ZNF626: variants seen among roughly 807,000 people sequenced by gnomAD.
The protein encoded by ZNF626 is zinc finger protein 626.
In ZNF626, 4 loss-of-function variants were observed where a neutral mutation model predicts 11.7. The observed-to-expected ratio is 0.34, with a 90% CI of 0.17 to 0.78. The LOEUF (loss-of-function observed/expected upper bound fraction) is 0.78. Among genes scored for constraint, ZNF626 ranks in the 30% least tolerant of loss-of-function variants. The pLI, the probability that ZNF626 is intolerant of heterozygous loss-of-function variation, is 0.57. For missense variants in ZNF626, 588 were observed against 587.1 expected (o/e 1.00, Z -0.01); for synonymous variants, 179 against 198.6 (o/e 0.90, Z 0.83).
chr19:20,632,906 C>T (rs1555770507), intron 3 of ZNF626, among the ~76,000 whole-genome samples: 2 of 152,046 alleles, frequency 1.3e-5, no homozygotes, highest in African/African-American at 4.8e-5. Context: ...TTTTTCCCAT[C>T]TTTGTGGTTT....
Position 20,661,532 on chromosome 19 carries a change from G to GGGA in ZNF626, c.-87_-86insTCC. The GGGA allele has an allele frequency of 1.7e-6, 2 of 1,154,858 alleles. No individual in the cohort carries two copies. The highest frequency in any genetic ancestry group is 2.4e-6 in the Non-Finnish European group (2 of 845,128). 71.5% of individuals were successfully genotyped at this position (1,154,858 alleles called of 1,614,324 possible). A position where few individuals can be genotyped will look rare whatever the true frequency, so the allele number is the denominator to read the frequency against. On this transcript the variant is annotated 5_prime_UTR_variant, in exon 1 of 4. Coordinates refer to ENST00000601440, the MANE Select transcript of ZNF626 (RefSeq NM_001076675.3). ...GGGGCCACACAGCCTGGGCCTTTAG[G>GGGA]AGAAGAACCAGACCTGGAGCTCTGA...
rs147500641 is a variant in ZNF626 at position 20,629,412 on chromosome 19, G to T, written c.227-3762C>A. ...CACGATATTGATTCTTCCTATTCAT[G>T]AGCATGGAATGTTCTTCCATTTGTT... is the stretch of plus-strand genomic sequence containing the variant. On this transcript the variant is annotated intron_variant, in intron 3 of 3. Transcript: ENST00000601440. 1.7e-3 allele frequency among the ~76,000 whole-genome samples: 260 copies of T among 152,294 alleles called. 7 individuals carry two copies. In the East Asian group the frequency reaches 0.045, roughly 27 times the overall value.
intron 1 of ZNF626, among the ~76,000 whole-genome samples, chr19:20,651,887 C>T (rs1362486122): frequency 4.6e-5 from 7 of 152,178 alleles, no homozygotes; most frequent in African/African-American, 1.7e-4. Context: ...GTGGTCATAA[C>T]TGGATATTTT....
chr19:20,623,868 T>A lies in ZNF626; in HGVS notation c.*422A>T. Reference sequence around the variant, plus strand: ...ACATTCTTCACACTTGTAGGGTTTCTTTCCAGTATGAATTATGTGTAATAA... The same window carrying A: ...ACATTCTTCACACTTGTAGGGTTTCATTCCAGTATGAATTATGTGTAATAA... On this transcript the variant is annotated 3_prime_UTR_variant, in exon 4 of 4. Transcript: ENST00000601440. The A allele has an allele frequency of 2.9e-6, 1 of 345,698 alleles. No homozygotes were observed. The highest frequency in any genetic ancestry group is 2.7e-5 in the South Asian group (1 of 36,934). 21.4% of individuals were successfully genotyped at this position (345,698 alleles called of 1,614,324 possible).
At chr19:20,657,227 T>C (rs570656803) in intron 1 of ZNF626, among the ~76,000 whole-genome samples, 20 of 151,656 alleles carry the variant, frequency 1.3e-4, no homozygotes, top group African/African-American at 2.7e-4. Context: ...AAATGAAAAA[T>C]TGGCCAGGCA....
chr19:20,649,958 A>G (rs1263408117), intron 1 of ZNF626, among the ~76,000 whole-genome samples: 1 of 152,240 alleles, frequency 6.6e-6, no homozygotes, highest in African/African-American at 2.4e-5. Context: ...AAAGTTTTAT[A>G]TCCTTTGCTG....
chr19:20,648,337 G>T (rs782297804), intron 1 of ZNF626, among the ~76,000 whole-genome samples: 1 of 151,308 alleles, frequency 6.6e-6, no homozygotes, highest in East Asian at 1.9e-4. Flanking sequence ...GGTAATAAAT[G>T]CCATCCCATT....
intron 3 of ZNF626, among the ~76,000 whole-genome samples, chr19:20,632,884 T>C (rs1969922523): frequency 2.0e-5 from 3 of 152,196 alleles, no homozygotes; most frequent in Non-Finnish European, 4.4e-5. Context: ...TTTCCAGTTT[T>C]TCTGCTCTGT....
chr19:20,641,562 A>G (rs1555771462), intron 3 of ZNF626, among the ~76,000 whole-genome samples: 1 of 152,144 alleles, frequency 6.6e-6, no homozygotes, highest in Non-Finnish European at 1.5e-5. Flanking sequence ...TTGCATAACA[A>G]TGTGAATATA....
At chr19:20,648,659 C>T (rs538477445) in intron 1 of ZNF626, among the ~76,000 whole-genome samples, 57 of 152,144 alleles carry the variant, frequency 3.7e-4, no homozygotes, top group Non-Finnish European at 7.5e-4. Flanking sequence ...GTGTGAGCCA[C>T]GGCACCTGGC....
chr19:20,631,324 A>T (rs8103277), intron 3 of ZNF626, among the ~76,000 whole-genome samples: 68,194 of 151,660 alleles, frequency 0.45, 16,611 homozygotes, highest in African/African-American at 0.64. Context: ...ATTCCTGGGT[A>T]TCCTTGTTAA....
At chr19:20,638,998 C>A (rs1555771171) in intron 3 of ZNF626, among the ~76,000 whole-genome samples, 1 of 152,160 alleles carries the variant, frequency 6.6e-6, no homozygotes, top group African/African-American at 2.4e-5. Context: ...CACAGTTTGG[C>A]AGACTGTATA....
intron 3 of ZNF626, among the ~76,000 whole-genome samples, chr19:20,629,127 G>C (rs1247264247): frequency 2.1e-4 from 32 of 152,250 alleles, no homozygotes; most frequent in African/African-American, 7.7e-4. Context: ...GCTCTGTTCT[G>C]TTCCATTGGT....
Position 20,623,329 on chromosome 19 carries a change from C to T in ZNF626, c.*961G>A, listed in dbSNP as rs1555768958. 6.6e-6 allele frequency: 1 copy of T among 152,048 alleles called. No individual in the cohort carries two copies. 9.4% of individuals were successfully genotyped at this position (152,048 alleles called of 1,614,324 possible). A position where few individuals can be genotyped will look rare whatever the true frequency, so the allele number is the denominator to read the frequency against. On this transcript the variant is annotated 3_prime_UTR_variant, in exon 4 of 4. Coordinates refer to ENST00000601440, the MANE Select transcript of ZNF626 (RefSeq NM_001076675.3). Reference sequence around the variant, plus strand: ...AATTTTGCCAGTATGAATTATCTTACTATCAAATGTGGCAACCATATAAAG... The same window carrying T: ...AATTTTGCCAGTATGAATTATCTTATTATCAAATGTGGCAACCATATAAAG...
At chr19:20,634,148 G>A (rs1477758380) in intron 3 of ZNF626, among the ~76,000 whole-genome samples, 1 of 151,940 alleles carries the variant, frequency 6.6e-6, no homozygotes, top group African/African-American at 2.4e-5. Flanking sequence ...CTCATATTGG[G>A]GTTTCAGCTA....
intron 3 of ZNF626, among the ~76,000 whole-genome samples, chr19:20,642,947 G>T (rs1332947171): frequency 6.6e-6 from 1 of 151,130 alleles, no homozygotes; most frequent in Non-Finnish European, 1.5e-5. Context: ...GAAGGTGAAG[G>T]TTGCAGTGAG....
chr19:20,635,612 C>T (rs73008335), intron 3 of ZNF626, among the ~76,000 whole-genome samples: 68,095 of 151,758 alleles, frequency 0.45, 16,507 homozygotes, highest in African/African-American at 0.64. Flanking sequence ...TAAGCCACCG[C>T]GCCCAGCCTA....
chr19:20,632,264 G>A (rs1453166598), intron 3 of ZNF626, among the ~76,000 whole-genome samples: 2 of 152,042 alleles, frequency 1.3e-5, no homozygotes, highest in Admixed American at 6.6e-5. Context: ...ACAATTATGT[G>A]TCTTGGAATT....
At chr19:20,637,871 T>C (rs1198924619) in intron 3 of ZNF626, among the ~76,000 whole-genome samples, 3 of 152,254 alleles carry the variant, frequency 2.0e-5, no homozygotes, top group South Asian at 2.1e-4. Flanking sequence ...AACTACTTAA[T>C]AAAATAAAAT....
Sources: gnomAD v4.1 joint callset for allele counts (sites outside exome capture counted in the v4.1 genomes callset) on GRCh38, gnomAD v4.1.1 for gene constraint, MANE v1.5 for transcripts, NCBI Gene and HGNC (gene_info 2026-07-23, HGNC 2026-07-21) for gene names.